HS6ST3: variants seen among roughly 807,000 people sequenced by gnomAD.
HS6ST3 encodes the protein heparan-sulfate 6-O-sulfotransferase 3.
In HS6ST3, 12 loss-of-function variants were observed where a neutral mutation model predicts 36.7. The ratio of observed to expected loss-of-function variants is 0.33; its 90% CI spans 0.21 to 0.53. The LOEUF (loss-of-function observed/expected upper bound fraction) is 0.53, where lower values mean the gene tolerates loss of function less well. HS6ST3 is among the 20% of genes least tolerant of loss of function. The pLI is 0.95. For synonymous variants in HS6ST3, 240 were observed against 257.5 expected (o/e 0.93, Z 0.65); for missense variants, 584 against 640.9 (o/e 0.91, Z 0.96).
chr13:96,503,190 G>T (rs929554560), intron 1 of HS6ST3, among the ~76,000 whole-genome samples: 14 of 152,030 alleles, frequency 9.2e-5, no homozygotes, highest in African/African-American at 3.4e-4. Context: ...GATAATTTGG[G>T]AAACAGCAGC....
At chr13:96,562,638 A>G (rs777200738) in intron 1 of HS6ST3, among the ~76,000 whole-genome samples, 27 of 152,180 alleles carry the variant, frequency 1.8e-4, no homozygotes, top group Non-Finnish European at 3.7e-4. Context: ...TCTAGAGCCA[A>G]AGGACTGACA....
At chr13:96,237,887 G>A (rs979058275) in intron 1 of HS6ST3, among the ~76,000 whole-genome samples, 1 of 152,022 alleles carries the variant, frequency 6.6e-6, no homozygotes, top group African/African-American at 2.4e-5. Flanking sequence ...ACTTTTCATT[G>A]TTCTGCCTCA....
At chr13:96,266,106 C>T (rs1471363827) in intron 1 of HS6ST3, among the ~76,000 whole-genome samples, 5 of 152,198 alleles carry the variant, frequency 3.3e-5, no homozygotes, top group Non-Finnish European at 5.9e-5. Context: ...GGATGCAAGA[C>T]GTTTTAGTCT....
chr13:96,429,885 A>C (rs12875619), intron 1 of HS6ST3, among the ~76,000 whole-genome samples: 1 of 152,228 alleles, frequency 6.6e-6, no homozygotes, highest in African/African-American at 2.4e-5. Flanking sequence ...AAATTCAGCT[A>C]TGGTTAGCCA....
intron 1 of HS6ST3, among the ~76,000 whole-genome samples, chr13:96,797,314 C>G (rs942918809): frequency 6.6e-6 from 1 of 151,996 alleles, no homozygotes; most frequent in South Asian, 2.1e-4. Flanking sequence ...TCCCAGTAAA[C>G]GGGGTCCTGC....
chr13:96,494,968 GC>G (rs967512954), intron 1 of HS6ST3, among the ~76,000 whole-genome samples: 2 of 152,160 alleles, frequency 1.3e-5, no homozygotes, highest in African/African-American at 2.4e-5. Flanking sequence ...GGCTTCGTGT[GC>G]CTAATTACAT....
chr13:96,508,241 G>T (rs981148234), intron 1 of HS6ST3, among the ~76,000 whole-genome samples: 2 of 151,980 alleles, frequency 1.3e-5, no homozygotes, highest in African/African-American at 4.8e-5. Context: ...ATAGACTGCT[G>T]AACTCAAGTC....
At chr13:96,186,597 C>T (rs934113525) in intron 1 of HS6ST3, among the ~76,000 whole-genome samples, 2 of 152,206 alleles carry the variant, frequency 1.3e-5, no homozygotes, top group African/African-American at 4.8e-5. Flanking sequence ...CTTAAAGCCT[C>T]ATCTAAAGAT....
At chr13:96,297,481 G>A (rs1464877122) in intron 1 of HS6ST3, among the ~76,000 whole-genome samples, 1 of 152,102 alleles carries the variant, frequency 6.6e-6, no homozygotes, top group Non-Finnish European at 1.5e-5. Flanking sequence ...GTAGCGTGTA[G>A]GTTAAAGTGA....
At chr13:96,269,345 T>C (rs2054708365) in intron 1 of HS6ST3, among the ~76,000 whole-genome samples, 1 of 152,042 alleles carries the variant, frequency 6.6e-6, no homozygotes, top group African/African-American at 2.4e-5. Context: ...TGCCTTACAA[T>C]TTATTACAAT....
chr13:96,564,860 G>A (rs1188870216), intron 1 of HS6ST3, among the ~76,000 whole-genome samples: 2 of 152,122 alleles, frequency 1.3e-5, no homozygotes, highest in Non-Finnish European at 2.9e-5. Context: ...CTAAATCCAT[G>A]AGAGACTATC....
chr13:96,662,515 GGTGTGTGTGTGT>G (rs144795600), intron 1 of HS6ST3, among the ~76,000 whole-genome samples: 36 of 147,876 alleles, frequency 2.4e-4, no homozygotes, highest in East Asian at 1.2e-3. Flanking sequence ...GTGTGTATGG[GGTGTGTGTGTGT>G]GTGTGTGTGT....
rs555542339 is a variant in HS6ST3, at chr13:96,734,788, C to T, written c.708-97702C>T. 5.3e-5 allele frequency among the ~76,000 whole-genome samples: 8 copies of T among 152,268 alleles called. No homozygotes were observed. The East Asian group carries it at 5.8e-4, about 11-fold the overall frequency. ...TTAACGCAGAGTGATCAAGTGACAG[C>T]GCACCAACCATTTGATTCTCTTCGC... On this transcript the variant is annotated intron_variant, in intron 1 of 1. Coordinates refer to ENST00000376705, the MANE Select transcript of HS6ST3 (RefSeq NM_153456.4).
chr13:96,696,449 C>T (rs1002058398), intron 1 of HS6ST3, among the ~76,000 whole-genome samples: 1 of 152,208 alleles, frequency 6.6e-6, no homozygotes, highest in Non-Finnish European at 1.5e-5. Context: ...GACTGACCAT[C>T]GCACTTCAAA....
chr13:96,555,807 C>T (rs1417795812), intron 1 of HS6ST3, among the ~76,000 whole-genome samples: 1 of 146,610 alleles, frequency 6.8e-6, no homozygotes, highest in Non-Finnish European at 1.5e-5. Flanking sequence ...ACAGATGGTT[C>T]TTAAAAAAAA....
intron 1 of HS6ST3, among the ~76,000 whole-genome samples, chr13:96,497,134 G>A (rs1363809526): frequency 6.6e-6 from 1 of 152,142 alleles, no homozygotes; most frequent in Non-Finnish European, 1.5e-5. Flanking sequence ...TAGTCGAAAT[G>A]AAAACATGGA....
At chr13:96,133,524 A>G (rs2053986392) in intron 1 of HS6ST3, among the ~76,000 whole-genome samples, 1 of 152,074 alleles carries the variant, frequency 6.6e-6, no homozygotes, top group Admixed American at 6.6e-5. Context: ...CTGGGTTCAA[A>G]GGATTCTCCT....
chr13:96,624,337 A>C (rs1340801207), intron 1 of HS6ST3, among the ~76,000 whole-genome samples: 1 of 152,228 alleles, frequency 6.6e-6, no homozygotes, highest in South Asian at 2.1e-4. Context: ...GGGTTTCTTT[A>C]TTGTTCCACA....
chr13:96,676,908 G>A (rs907266088), intron 1 of HS6ST3, among the ~76,000 whole-genome samples: 2 of 152,252 alleles, frequency 1.3e-5, no homozygotes, highest in South Asian at 4.1e-4. Flanking sequence ...TAATCAGCAG[G>A]TTTGGAGCTT....
Sources: allele counts gnomAD v4.1 joint callset (sites outside exome capture counted in the v4.1 genomes callset), GRCh38; gene constraint gnomAD v4.1.1; transcripts MANE v1.5; gene names NCBI Gene and HGNC (gene_info 2026-07-23, HGNC 2026-07-21).